APC: variants seen among roughly 807,000 people sequenced by gnomAD.
The protein encoded by APC is adenomatous polyposis coli protein.
APC carries 72 observed loss-of-function variants against 247.0 expected under a neutral mutation model. The observed-to-expected ratio is 0.29, with a 90% CI of 0.24 to 0.35. The LOEUF (loss-of-function observed/expected upper bound fraction) is 0.35, where lower values mean the gene tolerates loss of function less well. Ranked by LOEUF, APC falls within the 10% of genes least tolerant of loss-of-function variation. The pLI, the probability that APC is intolerant of heterozygous loss-of-function variation, is 1.00. For synonymous variants in APC, 1,254 were observed against 1,162.5 expected, an observed-to-expected ratio of 1.08 and a Z score of -1.60; for missense variants, 3,400 against 3,360.7, an observed-to-expected ratio of 1.01 and a Z score of -0.29.
At chr5:112,780,374 GC>G (rs1393933126) in intron 5 of APC, among the ~76,000 whole-genome samples, 1 of 152,114 alleles carries the variant, frequency 6.6e-6, no homozygotes, top group African/African-American at 2.4e-5. Flanking sequence ...TGAAGTATGA[GC>G]TTAAGAATGA....
chr5:112,740,573 C>T (rs1183412531), intron 1 of APC, among the ~76,000 whole-genome samples: 1 of 132,052 alleles, frequency 7.6e-6, no homozygotes, highest in Non-Finnish European at 1.5e-5. Context: ...TCAACCCAGG[C>T]TGGCGTGCAG....
rs200468360 is a variant in APC at position 112,842,445 on chromosome 5, C to T, written c.6851C>T (p.Pro2284Leu). ...AKPSVKSELS[P>L]VARQTSQIGG... ...CCATCTGTGAAATCAGAATTAAGCC[C>T]TGTTGCCAGGCAGACATCCCAAATA... The change falls in exon 16 of 16, where the codon CCT (proline) becomes CTT (leucine). Residue 2284 changes from proline to leucine, a missense_variant. By Grantham distance (98) the Pro-to-Leu change is moderately conservative (BLOSUM62 -3). Around this residue, in one of 9 missense-constraint regions of APC, gnomAD observed 1,788 missense variants for 1,649.5 expected, o/e 1.08. Transcript: ENST00000257430. 1.2e-6 allele frequency: 2 copies of T among 1,613,984 alleles called. No individual in the cohort carries two copies. The highest frequency in any genetic ancestry group is 1.7e-6 in the Non-Finnish European group (2 of 1,179,906).
chr5:112,769,412 A>T (rs1002769406), intron 4 of APC, among the ~76,000 whole-genome samples: 11 of 152,168 alleles, frequency 7.2e-5, no homozygotes, highest in Non-Finnish European at 1.2e-4. Flanking sequence ...GATGTATGGA[A>T]TGAGTTCTGA....
At chr5:112,805,187 A>G (rs1011080664) in intron 8 of APC, among the ~76,000 whole-genome samples, 2 of 151,930 alleles carry the variant, frequency 1.3e-5, no homozygotes, top group African/African-American at 4.8e-5. Context: ...ATTTTTTGTA[A>G]TGAACATGTA....
intron 8 of APC, among the ~76,000 whole-genome samples, chr5:112,806,208 A>G (rs968329272): frequency 1.3e-5 from 2 of 152,192 alleles, no homozygotes; most frequent in African/African-American, 4.8e-5. Flanking sequence ...CTGTCACAGC[A>G]TGTTCCTCTC....
In APC at chr5:112,795,058, G is replaced by A. The variant is rs60959200; in HGVS notation, c.729+2529G>A. Among the ~76,000 whole-genome samples, 11 of 152,104 alleles carry A rather than the reference G, an allele frequency of 7.2e-5. No individual in the cohort carries two copies. In the South Asian group the frequency reaches 8.3e-4, roughly 11 times the overall value. On this transcript the variant is annotated intron_variant, in intron 7 of 15. Coordinates refer to ENST00000257430, the MANE Select transcript of APC (RefSeq NM_000038.6). ...TTGTTTTTGTTTGAGACAGAGTCTC[G>A]CTCTGTAGCCCAGGCTGGAGTGCAG...
rs1489248428 is a variant in APC at position 112,840,443 on chromosome 5, C to T, written c.4849C>T (p.Leu1617Phe). 6.2e-7 allele frequency: 1 copy of T among 1,614,210 alleles called. No homozygotes were observed. The highest frequency in any genetic ancestry group is 8.5e-7 in the Non-Finnish European group (1 of 1,180,032). ...ACCAAGTCAGCTGCCTGTGTACAAACTTCTACCATCACAAAACAGGTTGCA... is the reference window on the plus strand; with the variant it reads ...ACCAAGTCAGCTGCCTGTGTACAAATTTCTACCATCACAAAACAGGTTGCA... ...RKPSQLPVYKLLPSQNRLQPQ... is the reference protein window; with the variant it reads ...RKPSQLPVYKFLPSQNRLQPQ... The change falls in exon 16 of 16, where the codon CTT becomes TTT. Residue 1617 changes from leucine (L) to phenylalanine (F), a missense_variant. By Grantham distance (22) the Leu-to-Phe change is conservative. Around this residue, in one of 9 missense-constraint regions of APC, gnomAD observed 1,788 missense variants for 1,649.5 expected, o/e 1.08. Transcript: ENST00000257430. This position sits in a 1 kb window ranked among gnomAD's most constrained non-coding sequence, Gnocchi z 4.1.
intron 2 of APC, among the ~76,000 whole-genome samples, chr5:112,763,106 C>A (rs1206034493): frequency 6.6e-6 from 1 of 152,046 alleles, no homozygotes; most frequent in Non-Finnish European, 1.5e-5. Flanking sequence ...ATCTTATTTA[C>A]CTTTATGCTT....
chr5:112,752,867 A>G (rs553616862), intron 1 of APC, among the ~76,000 whole-genome samples: 2 of 152,212 alleles, frequency 1.3e-5, no homozygotes, highest in African/African-American at 2.4e-5. Context: ...GAGTTAAGGG[A>G]AAAAAAGATG....
intron 1 of APC, among the ~76,000 whole-genome samples, chr5:112,744,431 G>A (rs1177595067): frequency 6.6e-6 from 1 of 152,174 alleles, no homozygotes; most frequent in Non-Finnish European, 1.5e-5. Context: ...CAAAAGCTAA[G>A]TATTAGATAT....
chr5:112,715,475 A>G (rs1470782225), intron 1 of APC, among the ~76,000 whole-genome samples: 4 of 152,176 alleles, frequency 2.6e-5, no homozygotes, highest in Admixed American at 6.5e-5. Flanking sequence ...CTGAGTGTTC[A>G]TGAGTGAGGT....
In APC at chr5:112,845,090, T is replaced by G. The variant is rs1766870682; in HGVS notation, c.*964T>G. On this transcript the variant is annotated 3_prime_UTR_variant, in exon 16 of 16. Transcript: ENST00000257430. ...TATAAATTTTTTTCTTCAGCTTCTA[T>G]GCATTAAGAGTAAAATTCCTCTTAC... The G allele has an allele frequency of 8.6e-6, 2 of 232,374 alleles. No individual in the cohort carries two copies. Among genetic ancestry groups the G allele is most frequent in the Non-Finnish European group, 1.7e-5 (2 of 117,320 alleles). The allele number at this position is 232,374 out of a possible 1,614,324, so 14.4% of individuals were successfully genotyped here. A position where few individuals can be genotyped will look rare whatever the true frequency, so the allele number is the denominator to read the frequency against.
At position 112,801,341 on chromosome 5, in the gene APC, A is replaced by G. The variant is rs863224288; in HGVS notation, c.792A>G (p.Gln264=). 2.5e-6 allele frequency: 4 copies of G among 1,612,794 alleles called. No individual in the cohort carries two copies. Among genetic ancestry groups the G allele is most frequent in the East Asian group, 2.2e-5 (1 of 44,836 alleles). Residue 264 remains glutamine (Q), a synonymous_variant, in exon 8 of 16, where the codon CAA becomes CAG. Transcript: ENST00000257430. ...ATGCTGAGCGGCAGAATGAAGGTCAAGGAGTGGGAGAAATCAACATGGCAA... is the reference window on the plus strand; with the variant it reads ...ATGCTGAGCGGCAGAATGAAGGTCAGGGAGTGGGAGAAATCAACATGGCAA... The part of the protein sequence containing the change: ...SHDAERQNEG[Q]GVGEINMATS...
chr5:112,790,986 A>G (rs929749723), intron 6 of APC, among the ~76,000 whole-genome samples: 1 of 152,214 alleles, frequency 6.6e-6, no homozygotes, highest in Admixed American at 6.5e-5. Context: ...TAACTATAGA[A>G]TTATTACAGA....
chr5:112,819,304 G>A lies in APC; in HGVS notation c.1272G>A (p.Gln424=), dbSNP rs778975532. 3.7e-6 allele frequency: 6 copies of A among 1,614,038 alleles called. No individual in the cohort carries two copies. In the Admixed American group the frequency reaches 1.0e-4, roughly 27 times the overall value. ...RAYCETCWEW[Q]EAHEPGMDQD... ...ACTGTGAAACCTGTTGGGAGTGGCA[G>A]GAAGCTCATGAACCAGGCATGGACC... The change falls in exon 10 of 16, where the codon CAG becomes CAA. Residue 424 remains glutamine, a synonymous_variant. Coordinates refer to ENST00000257430, the MANE Select transcript of APC (RefSeq NM_000038.6).
At chr5:112,765,669 A>G (rs910853133) in intron 2 of APC, among the ~76,000 whole-genome samples, 4 of 151,090 alleles carry the variant, frequency 2.6e-5, no homozygotes, top group Admixed American at 6.6e-5. Context: ...GTAGCATGCA[A>G]TAAGAGCCAA....
intron 1 of APC, among the ~76,000 whole-genome samples, chr5:112,749,367 G>A (rs1754039610): frequency 6.6e-6 from 1 of 151,906 alleles, no homozygotes; most frequent in South Asian, 2.1e-4. Flanking sequence ...GTATAAGATT[G>A]GAATGATTTG....
chr5:112,820,484 T>C (rs1362768750), intron 10 of APC, among the ~76,000 whole-genome samples: 6 of 152,162 alleles, frequency 3.9e-5, no homozygotes, highest in African/African-American at 1.4e-4. Flanking sequence ...CACTATCTCA[T>C]TTTTAAAAAA....
At chr5:112,715,874 C>T (rs1751141730) in intron 1 of APC, among the ~76,000 whole-genome samples, 1 of 151,950 alleles carries the variant, frequency 6.6e-6, no homozygotes, top group Non-Finnish European at 1.5e-5. Flanking sequence ...ATAATTTTTC[C>T]ACTAAGAATT....
Sources: allele counts gnomAD v4.1 joint callset (sites outside exome capture counted in the v4.1 genomes callset), GRCh38; gene constraint gnomAD v4.1.1; regional missense constraint gnomAD v4.1.1; non-coding constraint Gnocchi (gnomAD v3.1); transcripts MANE v1.5; gene names NCBI Gene and HGNC (gene_info 2026-07-23, HGNC 2026-07-21).